Variants in WDHD1 observed in about 807,000 individuals in gnomAD.
The protein encoded by WDHD1 is WD repeat and HMG-box DNA binding protein 1.
A neutral mutation model predicts 135.4 loss-of-function variants in WDHD1; 111 were observed. The ratio of observed to expected loss-of-function variants is 0.82; its 90% CI spans 0.70 to 0.96. The LOEUF (loss-of-function observed/expected upper bound fraction) is 0.96, where lower values mean the gene tolerates loss of function less well. WDHD1 is among the 40% of genes least tolerant of loss of function. WDHD1 has a pLI of 0.00. For missense variants in WDHD1, 1,351 were observed against 1,336.3 expected, an observed-to-expected ratio of 1.01 and a Z score of -0.17; for synonymous variants, 434 against 439.0, an observed-to-expected ratio of 0.99 and a Z score of 0.14.
At chr14:54,978,078 A>C (rs2140185819) in intron 16 of WDHD1, among the ~76,000 whole-genome samples, 1 of 152,352 alleles carries the variant, frequency 6.6e-6, no homozygotes, top group African/African-American at 2.4e-5. Context: ...AATTTCATAT[A>C]CCTCTAAGAT....
chr14:54,957,693 TC>T, intron 21 of WDHD1, 58 bp from the exon 22 acceptor site: 2 of 1,373,644 alleles, frequency 1.5e-6, no homozygotes, highest in African/African-American at 2.9e-5. Flanking sequence ...ACTTCTGACA[TC>T]TATAATACTA....
At chr14:55,014,046 G>A (rs188258568) in intron 2 of WDHD1, among the ~76,000 whole-genome samples, 12 of 152,286 alleles carry the variant, frequency 7.9e-5, no homozygotes, top group Middle Eastern at 3.4e-3. Flanking sequence ...AAAATAAAGT[G>A]CTAATTTCCT....
intron 24 of WDHD1, among the ~76,000 whole-genome samples, chr14:54,951,482 G>A (rs1338904535): frequency 6.6e-6 from 1 of 152,058 alleles, no homozygotes; most frequent in Non-Finnish European, 1.5e-5. Context: ...CCAATAACAG[G>A]CTCTGAAATT....
At chr14:55,003,753 G>A (rs2042016731) in intron 7 of WDHD1, among the ~76,000 whole-genome samples, 1 of 67,158 alleles carries the variant, frequency 1.5e-5, no homozygotes, top group African/African-American at 7.6e-5. Context: ...CAGTAGAGAC[G>A]GGGTCTTATC....
At chr14:54,955,486 T>C (rs112646166) in intron 24 of WDHD1, 75 bp downstream of exon 24, 19 of 1,348,298 alleles carry the variant, frequency 1.4e-5, no homozygotes, top group Middle Eastern at 2.8e-4. Flanking sequence ...AATAACAGCA[T>C]TGCATAATTT....
chr14:55,016,860 T>C lies in WDHD1; in HGVS notation c.78-3264A>G, dbSNP rs574132288. Among the ~76,000 whole-genome samples the C allele has an allele frequency of 1.8e-4, 28 of 152,348 alleles. 2 individuals are homozygous for C. In the South Asian group the frequency reaches 5.8e-3, roughly 32 times the overall value. ...GTGCAAGCATAAAAAGTGAAGTGAC[T>C]GTTAATGGGTTGTCTCCATTATCAA... On this transcript the variant is annotated intron_variant, in intron 2 of 25. Transcript: ENST00000360586.
chr14:55,013,119 G>A (rs376331354), intron 3 of WDHD1, among the ~76,000 whole-genome samples: 10 of 149,952 alleles, frequency 6.7e-5, no homozygotes, highest in African/African-American at 1.5e-4. Flanking sequence ...CTAGCTGCCC[G>A]GGAGGCTGAA....
chr14:54,966,709 T>C, intron 17 of WDHD1, 103 bp from the exon 18 acceptor site: 1 of 1,211,144 alleles, frequency 8.3e-7, no homozygotes, highest in Admixed American at 3.0e-5. Flanking sequence ...AAATATGTTC[T>C]GAACTCTTCC....
At position 54,969,140 on chromosome 14, in the gene WDHD1, G is replaced by C. The variant is rs1024474826; in HGVS notation, c.2064-1746C>G. Among the ~76,000 whole-genome samples, 5 of 152,046 alleles carry C rather than the reference G, an allele frequency of 3.3e-5. 1 individual carries two copies. The South Asian group carries it at 1.0e-3, about 32-fold the overall frequency. Reference sequence around the variant, plus strand: ...TGCAAGCTCCGCCTTCCAGGTTCACGCAATTCTCCTGCCTCAGCCTCCCAA... The same window carrying C: ...TGCAAGCTCCGCCTTCCAGGTTCACCCAATTCTCCTGCCTCAGCCTCCCAA... On this transcript the variant is annotated intron_variant, in intron 16 of 25. Transcript: ENST00000360586.
At chr14:54,951,221 A>G (rs2041046399) in intron 24 of WDHD1, among the ~76,000 whole-genome samples, 1 of 151,834 alleles carries the variant, frequency 6.6e-6, no homozygotes, top group East Asian at 1.9e-4. Context: ...TGGTTTTTTG[A>G]AAAGATCAAT....
chr14:54,956,875 C>T (rs990248828), intron 23 of WDHD1, among the ~76,000 whole-genome samples, 159 bp downstream of exon 23: 2 of 152,090 alleles, frequency 1.3e-5, no homozygotes, highest in Admixed American at 1.3e-4. Flanking sequence ...CAGGTATGTG[C>T]CACTGTGCCT....
At chr14:54,960,385 C>G (rs6572994) in intron 21 of WDHD1, among the ~76,000 whole-genome samples, 63,757 of 151,574 alleles carry the variant, frequency 0.42, 15,159 homozygotes, top group African/African-American at 0.65. Flanking sequence ...CTTCAGGATG[C>G]TCTCAATCTC....
intron 25 of WDHD1, among the ~76,000 whole-genome samples, chr14:54,943,031 T>G (rs1395569225): frequency 6.6e-6 from 1 of 152,224 alleles, no homozygotes; most frequent in African/African-American, 2.4e-5. Flanking sequence ...TTCCTCATTA[T>G]GCAACACCTT....
At chr14:54,995,078 T>C (rs973082592) in intron 11 of WDHD1, among the ~76,000 whole-genome samples, 4 of 152,118 alleles carry the variant, frequency 2.6e-5, no homozygotes, top group East Asian at 1.9e-4. Context: ...ACCTCCTGGG[T>C]TCAAGTGAGT....
Position 54,963,252 on chromosome 14 carries a change from A to G in WDHD1, c.2311-80T>C, listed in dbSNP as rs1369385945. On this transcript the variant is annotated intron_variant, in intron 18 of 25. Coordinates refer to ENST00000360586, the MANE Select transcript of WDHD1 (RefSeq NM_007086.4). Reference sequence around the variant, plus strand: ...TAAAGATACTGACACTACTAGTAAAACTGAGACAATAGTTTTCTAGCTACT... The same window carrying G: ...TAAAGATACTGACACTACTAGTAAAGCTGAGACAATAGTTTTCTAGCTACT... The G allele has an allele frequency of 3.6e-6, 4 of 1,117,192 alleles. No homozygotes were observed. In the African/African-American group the frequency reaches 6.3e-5, roughly 17 times the overall value. The allele number at this position is 1,117,192 out of a possible 1,614,324, so 69.2% of individuals were successfully genotyped here.
chr14:54,944,668 G>A (rs1404556703), intron 24 of WDHD1, 198 bp from the exon 25 acceptor site: 5 of 367,988 alleles, frequency 1.4e-5, no homozygotes, highest in South Asian at 4.2e-5. Context: ...CACCCAGCCT[G>A]GAGTGCAATG....
At chr14:54,957,561 A>G in intron 22 of WDHD1, 31 bp downstream of exon 22, 1 of 1,554,008 alleles carries the variant, frequency 6.4e-7, no homozygotes, top group Non-Finnish European at 8.7e-7. Context: ...ATGTATTTAA[A>G]TAATATAAAA....
chr14:54,951,738 G>A (rs533625924), intron 24 of WDHD1, among the ~76,000 whole-genome samples: 14 of 152,306 alleles, frequency 9.2e-5, no homozygotes, highest in African/African-American at 2.9e-4. Flanking sequence ...GAACATCGAT[G>A]CAAAAATCCT....
chr14:54,966,352 C>CAA, intron 18 of WDHD1, 123 bp downstream of exon 18: 6 of 1,232,118 alleles, frequency 4.9e-6, no homozygotes, highest in Middle Eastern at 3.1e-4. Flanking sequence ...ACAACAACAA[C>CAA]AACAAAAAAA....
Sources: gnomAD v4.1 joint callset for allele counts (sites outside exome capture counted in the v4.1 genomes callset) on GRCh38, gnomAD v4.1.1 for gene constraint, MANE v1.5 for transcripts, NCBI Gene and HGNC (gene_info 2026-07-23, HGNC 2026-07-21) for gene names.